SPAG16: variants seen among roughly 807,000 people sequenced by gnomAD.
The protein encoded by SPAG16 is sperm-associated antigen 16 protein.
In SPAG16, 86 loss-of-function variants were observed where a neutral mutation model predicts 80.4. The ratio of observed to expected loss-of-function variants is 1.07; its 90% CI spans 0.90 to 1.28. SPAG16 has a LOEUF of 1.28. Among genes scored for constraint, SPAG16 ranks in the 50% most tolerant of loss-of-function variants. The pLI is 0.00. For synonymous variants in SPAG16, 294 were observed against 265.9 expected (o/e 1.11, Z -1.03); for missense variants, 870 against 765.3 (o/e 1.14, Z -1.61).
At chr2:213,659,231 A>G (rs954862678) in intron 10 of SPAG16, among the ~76,000 whole-genome samples, 2 of 152,062 alleles carry the variant, frequency 1.3e-5, no homozygotes, top group Admixed American at 6.6e-5. Context: ...ATTAAAGTGC[A>G]TGAGCAACAT....
intron 10 of SPAG16, among the ~76,000 whole-genome samples, chr2:213,573,022 T>C (rs2126013048): frequency 6.6e-6 from 1 of 152,228 alleles, no homozygotes; most frequent in South Asian, 2.1e-4. Context: ...CATCACCCCT[T>C]TCTTTGACTC....
intron 10 of SPAG16, among the ~76,000 whole-genome samples, chr2:213,509,026 T>C (rs2075109530): frequency 6.6e-6 from 1 of 151,330 alleles, no homozygotes; most frequent in Non-Finnish European, 1.5e-5. Context: ...AGATGGAGTC[T>C]CACTCTTTCA....
At chr2:214,201,204 G>A (rs773988767) in intron 15 of SPAG16, among the ~76,000 whole-genome samples, 14 of 152,160 alleles carry the variant, frequency 9.2e-5, no homozygotes, top group Admixed American at 2.0e-4. Context: ...CAGAGTTGGT[G>A]CTTCACCATC....
At chr2:213,862,659 A>G in intron 11 of SPAG16, 31 bp downstream of exon 11, 1 of 1,611,808 alleles carries the variant, frequency 6.2e-7, no homozygotes, top group East Asian at 2.2e-5. Flanking sequence ...GAAATAGCCT[A>G]ATCTCTCTAG....
At chr2:213,732,536 G>A (rs1489777822) in intron 10 of SPAG16, among the ~76,000 whole-genome samples, 1 of 152,124 alleles carries the variant, frequency 6.6e-6, no homozygotes, top group Non-Finnish European at 1.5e-5. Context: ...GCTTATGATT[G>A]CCTTGGCTAT....
chr2:213,722,103 A>G (rs1418825959), intron 10 of SPAG16, among the ~76,000 whole-genome samples: 1 of 152,238 alleles, frequency 6.6e-6, no homozygotes, highest in African/African-American at 2.4e-5. Context: ...ACATACAAAT[A>G]ATGAAACTAA....
At chr2:214,371,106 A>T (rs1213128101) in intron 15 of SPAG16, among the ~76,000 whole-genome samples, 1 of 152,172 alleles carries the variant, frequency 6.6e-6, no homozygotes, top group Non-Finnish European at 1.5e-5. Flanking sequence ...GGGATAATGC[A>T]TCACATCTGA....
At chr2:214,318,323 A>T (rs936926535) in intron 15 of SPAG16, among the ~76,000 whole-genome samples, 1 of 141,270 alleles carries the variant, frequency 7.1e-6, no homozygotes, top group African/African-American at 2.6e-5. Context: ...TGATTTACTC[A>T]CCCCAGCCCC....
At chr2:214,054,621 T>A (rs2125147107) in intron 13 of SPAG16, among the ~76,000 whole-genome samples, 1 of 152,302 alleles carries the variant, frequency 6.6e-6, no homozygotes, top group Middle Eastern at 3.4e-3. Flanking sequence ...TTCTATAATT[T>A]TTTTTGCTGA....
At chr2:213,391,057 C>G (rs1276962423) in intron 9 of SPAG16, among the ~76,000 whole-genome samples, 1 of 152,130 alleles carries the variant, frequency 6.6e-6, no homozygotes, top group African/African-American at 2.4e-5. Flanking sequence ...ATCACGAAAT[C>G]AGGAGTTCAA....
intron 10 of SPAG16, among the ~76,000 whole-genome samples, chr2:213,720,446 T>A (rs184327653): frequency 1.4e-5 from 2 of 141,056 alleles, no homozygotes; most frequent in South Asian, 4.8e-4. Context: ...CCTAACATGG[T>A]GAAACCCCAT....
chr2:213,602,625 T>G (rs911104040), intron 10 of SPAG16, among the ~76,000 whole-genome samples: 1 of 152,204 alleles, frequency 6.6e-6, no homozygotes, highest in Non-Finnish European at 1.5e-5. Context: ...AGAGCGAGAC[T>G]CCGTCTCACA....
intron 10 of SPAG16, among the ~76,000 whole-genome samples, chr2:213,555,824 C>T (rs767456330): frequency 9.2e-5 from 14 of 152,112 alleles, no homozygotes; most frequent in Non-Finnish European, 1.8e-4. Flanking sequence ...TGTAATAATA[C>T]TGTGTGAATC....
chr2:213,518,837 G>T (rs1384732474), intron 10 of SPAG16, among the ~76,000 whole-genome samples: 3 of 152,158 alleles, frequency 2.0e-5, no homozygotes, highest in Non-Finnish European at 4.4e-5. Context: ...GCTATCCATG[G>T]TGGACTGGAT....
intron 10 of SPAG16, among the ~76,000 whole-genome samples, chr2:213,589,483 A>G (rs1172825300): frequency 6.6e-6 from 1 of 152,224 alleles, no homozygotes; most frequent in Non-Finnish European, 1.5e-5. Context: ...TCCAGATTTT[A>G]TAATACAAAT....
intron 10 of SPAG16, among the ~76,000 whole-genome samples, chr2:213,648,518 C>A (rs2066948604): frequency 6.6e-6 from 1 of 151,960 alleles, no homozygotes; most frequent in South Asian, 2.1e-4. Flanking sequence ...CATTGTAAAA[C>A]CTAGACTGAA....
chr2:213,998,616 T>G (rs980961298), intron 12 of SPAG16, among the ~76,000 whole-genome samples: 9 of 152,198 alleles, frequency 5.9e-5, no homozygotes, highest in Non-Finnish European at 8.8e-5. Flanking sequence ...AAAAGTTACC[T>G]GAAAATGTGG....
chr2:214,105,484 A>G (rs7595592), intron 13 of SPAG16, among the ~76,000 whole-genome samples: 37,525 of 152,052 alleles, frequency 0.25, 4,826 homozygotes, highest in African/African-American at 0.31. Context: ...ACAGTAAAGC[A>G]AAGCAATTTG....
chr2:213,505,012 C>T (rs2074910950), intron 10 of SPAG16, among the ~76,000 whole-genome samples: 1 of 152,216 alleles, frequency 6.6e-6, no homozygotes, highest in South Asian at 2.1e-4. Flanking sequence ...CATAGATAAA[C>T]ACTTATTTTG....
Sources: allele counts gnomAD v4.1 joint callset (sites outside exome capture counted in the v4.1 genomes callset), GRCh38; gene constraint gnomAD v4.1.1; transcripts MANE v1.5; gene names NCBI Gene and HGNC (gene_info 2026-07-23, HGNC 2026-07-21).